DLG2: variants seen among roughly 807,000 people sequenced by gnomAD.
DLG2 encodes the protein discs large MAGUK scaffold protein 2, also known as disks large homolog 2.
DLG2 carries 45 observed loss-of-function variants against 132.5 expected under a neutral mutation model. That is an observed-to-expected ratio of 0.34 (90% CI 0.27 to 0.44). The LOEUF is 0.44. Among genes scored for constraint, DLG2 ranks in the 20% least tolerant of loss-of-function variants. The pLI is 1.00. For missense variants in DLG2, 1,045 were observed against 1,196.9 expected (o/e 0.87, Z 1.87); for synonymous variants, 424 against 419.6 (o/e 1.01, Z -0.13).
chr11:83,640,686 T>C (rs1248009881), intron 18 of DLG2, among the ~76,000 whole-genome samples: 3 of 152,186 alleles, frequency 2.0e-5, no homozygotes, highest in African/African-American at 7.2e-5. Context: ...TCTAGTTTCA[T>C]CTTGTGAATA....
intron 10 of DLG2, among the ~76,000 whole-genome samples, chr11:84,097,933 T>C (rs1229075117): frequency 6.6e-6 from 1 of 151,984 alleles, no homozygotes; most frequent in Non-Finnish European, 1.5e-5. Flanking sequence ...TTCCCACAAT[T>C]AAGTTCCTTA....
intron 3 of DLG2, among the ~76,000 whole-genome samples, chr11:85,590,511 T>TA (rs2079244418): frequency 6.6e-6 from 1 of 152,196 alleles, no homozygotes; most frequent in African/African-American, 2.4e-5. Context: ...ATTAACTTGA[T>TA]TAGTTCCACA....
chr11:84,405,584 C>A (rs530736873), intron 7 of DLG2, among the ~76,000 whole-genome samples: 3 of 152,122 alleles, frequency 2.0e-5, no homozygotes, highest in African/African-American at 4.8e-5. Context: ...GTTCAAAGTG[C>A]AAGGCATTAA....
intron 7 of DLG2, among the ~76,000 whole-genome samples, chr11:84,341,985 T>G (rs1052336444): frequency 2.0e-5 from 3 of 152,250 alleles, no homozygotes; most frequent in Non-Finnish European, 4.4e-5. Flanking sequence ...TCACATTCTT[T>G]AATTCAGTTA....
chr11:85,461,623 A>G (rs543598635), intron 3 of DLG2, among the ~76,000 whole-genome samples: 1 of 152,312 alleles, frequency 6.6e-6, no homozygotes, highest in South Asian at 2.1e-4. Context: ...TTACTTAGGC[A>G]TGGGGAATAC....
chr11:83,938,870 T>G (rs2082054802), intron 14 of DLG2, among the ~76,000 whole-genome samples: 1 of 152,224 alleles, frequency 6.6e-6, no homozygotes, highest in Non-Finnish European at 1.5e-5. Flanking sequence ...GAGCTGGATC[T>G]CTACAGCTTT....
At chr11:85,454,778 T>G (rs2092366190) in intron 3 of DLG2, among the ~76,000 whole-genome samples, 2 of 152,224 alleles carry the variant, frequency 1.3e-5, no homozygotes, top group Admixed American at 1.3e-4. Flanking sequence ...CACTATTTAT[T>G]GAATAGCAAG....
chr11:85,060,347 T>C (rs1051738922), intron 6 of DLG2, among the ~76,000 whole-genome samples: 21 of 150,356 alleles, frequency 1.4e-4, no homozygotes, highest in Non-Finnish European at 2.2e-4. Flanking sequence ...CATATATGTA[T>C]ATATAATGTT....
chr11:84,998,053 ATTTC>A (rs948508423), intron 6 of DLG2, among the ~76,000 whole-genome samples: 45 of 152,104 alleles, frequency 3.0e-4, no homozygotes, highest in Admixed American at 8.5e-4. Context: ...TAATTTTATT[ATTTC>A]TTTTTCTTCG....
At position 85,344,855 on chromosome 11, in the gene DLG2, A is replaced by G. The variant is rs1350414106; in HGVS notation, c.41-59490T>C. Among the ~76,000 whole-genome samples, 4 of 151,988 alleles carry G rather than the reference A, an allele frequency of 2.6e-5. No individual in the cohort carries two copies. The East Asian group carries it at 7.7e-4, about 29-fold the overall frequency. On this transcript the variant is annotated intron_variant, in intron 3 of 27. Coordinates refer to ENST00000376104, the MANE Select transcript of DLG2 (RefSeq NM_001142699.3). ...GTTTTTTTTCAAACTTCATTACTTCATTACAGAATTTATTTTAAATCTTAG... is the reference window on the plus strand; with the variant it reads ...GTTTTTTTTCAAACTTCATTACTTCGTTACAGAATTTATTTTAAATCTTAG...
chr11:84,559,789 T>C (rs1049323647), intron 6 of DLG2, among the ~76,000 whole-genome samples: 3 of 152,186 alleles, frequency 2.0e-5, no homozygotes, highest in African/African-American at 7.2e-5. Context: ...TGGGTTTAGA[T>C]CTAAAAGGTT....
At chr11:84,160,602 G>A (rs2095525542) in intron 9 of DLG2, among the ~76,000 whole-genome samples, 1 of 152,098 alleles carries the variant, frequency 6.6e-6, no homozygotes, top group African/African-American at 2.4e-5. Flanking sequence ...AAAACATAGG[G>A]TCAGGGGACG....
chr11:83,711,297 A>C (rs1177161481), intron 18 of DLG2, among the ~76,000 whole-genome samples: 1 of 152,194 alleles, frequency 6.6e-6, no homozygotes, highest in Non-Finnish European at 1.5e-5. Flanking sequence ...TGCTCAGTAG[A>C]GGCACTACAC....
In DLG2 at chr11:84,319,822, C is replaced by T. The variant is rs373460357; in HGVS notation, c.520-68531G>A. 4.4e-4 allele frequency among the ~76,000 whole-genome samples: 67 copies of T among 152,266 alleles called. 1 individual carries two copies. In the South Asian group the frequency reaches 0.013, roughly 30 times the overall value. ...AAAAGATCTTTAAGGCTAAAGCAAA[C>T]TTTTATTAAGCTTACTAAAAGACTA... On this transcript the variant is annotated intron_variant, in intron 7 of 27. Coordinates refer to ENST00000376104, the MANE Select transcript of DLG2 (RefSeq NM_001142699.3).
At chr11:83,748,239 C>G (rs76441308) in intron 18 of DLG2, among the ~76,000 whole-genome samples, 1 of 152,170 alleles carries the variant, frequency 6.6e-6, no homozygotes, top group African/African-American at 2.4e-5. Flanking sequence ...TCTCCCAGGA[C>G]GATATCACTG....
intron 7 of DLG2, among the ~76,000 whole-genome samples, chr11:84,339,440 G>T (rs1463006560): frequency 2.0e-5 from 3 of 152,054 alleles, no homozygotes; most frequent in Non-Finnish European, 2.9e-5. Flanking sequence ...TTGATGCAGT[G>T]GATATTCAAC....
intron 9 of DLG2, among the ~76,000 whole-genome samples, chr11:84,152,431 G>A (rs2095322161): frequency 6.7e-6 from 1 of 149,830 alleles, no homozygotes; most frequent in Admixed American, 6.7e-5. Flanking sequence ...CTGTTGCCCA[G>A]GCTGGAGTGC....
intron 6 of DLG2, among the ~76,000 whole-genome samples, chr11:84,881,230 G>A (rs1017900931): frequency 6.6e-6 from 1 of 152,066 alleles, no homozygotes; most frequent in Admixed American, 6.6e-5. Context: ...CTGATAACAG[G>A]TTATAAGATT....
intron 6 of DLG2, among the ~76,000 whole-genome samples, chr11:84,696,117 G>A (rs1032490026): frequency 6.6e-6 from 1 of 151,470 alleles, no homozygotes; most frequent in Non-Finnish European, 1.5e-5. Context: ...ATAAGTAGAA[G>A]GTCTGGGAGG....
Sources: allele counts gnomAD v4.1 joint callset (sites outside exome capture counted in the v4.1 genomes callset), GRCh38; gene constraint gnomAD v4.1.1; transcripts MANE v1.5; gene names NCBI Gene and HGNC (gene_info 2026-07-23, HGNC 2026-07-21).